The following LINGO2 variants were observed in gnomAD, a reference collection of about 807,000 sequenced individuals.
The protein encoded by LINGO2 is leucine rich repeat and Ig domain containing 2.
LINGO2 carries 14 observed loss-of-function variants against 30.6 expected under a neutral mutation model. The observed-to-expected ratio is 0.46, with a 90% CI of 0.30 to 0.72. The LOEUF is 0.72. Among genes scored for constraint, LINGO2 ranks in the 30% least tolerant of loss-of-function variants. The probability of loss-of-function intolerance (pLI) is 0.07; values close to 1 mark genes in which losing one functional copy is unlikely to be tolerated. For synonymous variants in LINGO2, 317 were observed against 288.5 expected, an observed-to-expected ratio of 1.10 and a Z score of -1.00; for missense variants, 729 against 751.7, an observed-to-expected ratio of 0.97 and a Z score of 0.35.
chr9:28,593,989 C>T (rs1224318785), intron 1 of LINGO2, among the ~76,000 whole-genome samples: 3 of 151,636 alleles, frequency 2.0e-5, no homozygotes, highest in African/African-American at 7.3e-5. Context: ...GAACTCCTTG[C>T]TTTCACTATT....
intron 4 of LINGO2, among the ~76,000 whole-genome samples, chr9:28,144,114 A>G (rs1172489043): frequency 6.6e-6 from 1 of 152,214 alleles, no homozygotes; most frequent in African/African-American, 2.4e-5. Flanking sequence ...AAATAAATAG[A>G]TAAAATAGTT....
intron 1 of LINGO2, among the ~76,000 whole-genome samples, chr9:28,663,172 T>TG (rs1280362372): frequency 1.3e-4 from 20 of 152,200 alleles, no homozygotes; most frequent in Middle Eastern, 3.4e-3. Flanking sequence ...TGTATTTTTT[T>TG]TTGTTGTTGT....
the LINGO2 span, among the ~76,000 whole-genome samples, chr9:29,053,061 T>C: frequency 3.9e-5 from 6 of 152,300 alleles, no homozygotes; most frequent in African/African-American, 1.4e-4. Context: ...TCAATCTTAG[T>C]TGTAAAATAT....
intron 3 of LINGO2, among the ~76,000 whole-genome samples, chr9:28,341,549 A>G (rs930818045): frequency 4.6e-4 from 70 of 152,116 alleles, no homozygotes; most frequent in Non-Finnish European, 1.0e-4. Flanking sequence ...ATGGGAAAAA[A>G]TATGGCATTA....
At chr9:28,787,124 T>C in the LINGO2 span, among the ~76,000 whole-genome samples, 3 of 152,126 alleles carry the variant, frequency 2.0e-5, no homozygotes, top group Admixed American at 6.6e-5. Context: ...AATGAAGCAC[T>C]GGACCTAGGT....
the LINGO2 span, among the ~76,000 whole-genome samples, chr9:28,997,563 C>A: frequency 6.6e-6 from 1 of 151,388 alleles, no homozygotes; most frequent in Non-Finnish European, 1.5e-5. Context: ...GTGGCTCATG[C>A]CTGTAATCCC....
chr9:28,681,237 G>A, the LINGO2 span, among the ~76,000 whole-genome samples: 1 of 151,880 alleles, frequency 6.6e-6, no homozygotes, highest in African/African-American at 2.4e-5. Flanking sequence ...TTAGTAGCCT[G>A]GAAAAATTCA....
the LINGO2 span, among the ~76,000 whole-genome samples, chr9:28,691,404 C>T: frequency 2.6e-5 from 4 of 151,982 alleles, no homozygotes; most frequent in Non-Finnish European, 4.4e-5. Context: ...TTCATTTTTC[C>T]CACAACACAG....
intron 4 of LINGO2, among the ~76,000 whole-genome samples, chr9:28,065,225 GATCA>G (rs1002671006): frequency 8.2e-4 from 124 of 151,524 alleles, no homozygotes; most frequent in African/African-American, 2.8e-3. Flanking sequence ...ACTGTCTCAA[GATCA>G]ATCAATTTTT....
intron 4 of LINGO2, among the ~76,000 whole-genome samples, chr9:28,145,336 C>T (rs972713709): frequency 1.3e-5 from 2 of 152,128 alleles, no homozygotes; most frequent in African/African-American, 4.8e-5. Flanking sequence ...CTATGAGGTA[C>T]TATGAATTTA....
chr9:28,324,009 G>A (rs1825137782), intron 3 of LINGO2, among the ~76,000 whole-genome samples: 1 of 152,182 alleles, frequency 6.6e-6, no homozygotes. Flanking sequence ...TCTAGAGAAA[G>A]TCACAGCTTT....
At chr9:28,107,680 C>T (rs1378185926) in intron 4 of LINGO2, among the ~76,000 whole-genome samples, 1 of 152,058 alleles carries the variant, frequency 6.6e-6, no homozygotes, top group African/African-American at 2.4e-5. Context: ...TCTCAAGCAA[C>T]ATAGAGGACA....
chr9:28,192,358 G>T (rs1163112178), intron 4 of LINGO2, among the ~76,000 whole-genome samples: 1 of 151,974 alleles, frequency 6.6e-6, no homozygotes, highest in East Asian at 1.9e-4. Context: ...AATGTTCACT[G>T]AATTAATTAA....
the LINGO2 span, among the ~76,000 whole-genome samples, chr9:29,009,751 G>T: frequency 1.3e-5 from 2 of 152,160 alleles, no homozygotes; most frequent in Admixed American, 1.3e-4. Flanking sequence ...AACAAAGCTG[G>T]AGGCATCATG....
rs538260642 is a variant in LINGO2 at position 28,578,854 on chromosome 9, C to G, written c.-365+91346G>C. On this transcript the variant is annotated intron_variant, in intron 1 of 5. Transcript: ENST00000379992. ...TATAAATTCATGGTTGGTTTAAATG[C>G]AGATGTAGCCTGTTCTTGAAAGTTA... Among the ~76,000 whole-genome samples, 60 of 152,152 alleles carry G rather than the reference C, an allele frequency of 3.9e-4. 1 individual carries two copies. The South Asian group carries it at 0.012, about 32-fold the overall frequency.
At chr9:28,285,397 C>CTTT (rs1823469078) in intron 4 of LINGO2, among the ~76,000 whole-genome samples, 1 of 108,320 alleles carries the variant, frequency 9.2e-6, no homozygotes, top group African/African-American at 3.2e-5. Context: ...TGCCCAAGAT[C>CTTT]ATTTTTTTTT....
chr9:29,105,450 T>C, the LINGO2 span, among the ~76,000 whole-genome samples: 1 of 152,178 alleles, frequency 6.6e-6, no homozygotes, highest in East Asian at 1.9e-4. Context: ...TGTGGCTCAT[T>C]GACAAATTCC....
the LINGO2 span, among the ~76,000 whole-genome samples, chr9:28,676,221 G>C: frequency 1.3e-5 from 2 of 151,518 alleles, no homozygotes; most frequent in Non-Finnish European, 2.9e-5. Flanking sequence ...TAATATTAAA[G>C]ATTAAGTTAT....
At chr9:28,925,077 C>T in the LINGO2 span, among the ~76,000 whole-genome samples, 2 of 152,142 alleles carry the variant, frequency 1.3e-5, no homozygotes, top group Non-Finnish European at 2.9e-5. Flanking sequence ...TGTTAATTAG[C>T]CTGATTTTAT....
Sources: gnomAD v4.1 joint callset for allele counts (sites outside exome capture counted in the v4.1 genomes callset) on GRCh38, gnomAD v4.1.1 for gene constraint, MANE v1.5 for transcripts, NCBI Gene and HGNC (gene_info 2026-07-23, HGNC 2026-07-21) for gene names.